Variants in DAGLA observed in about 807,000 individuals in gnomAD.
DAGLA encodes the protein diacylglycerol lipase-alpha.
Under a neutral mutation model 102.6 loss-of-function variants are expected in DAGLA, and 22 were observed. The observed-to-expected ratio is 0.21, with a 90% CI of 0.15 to 0.31. The LOEUF (loss-of-function observed/expected upper bound fraction) is 0.31, where lower values mean the gene tolerates loss of function less well. Ranked by LOEUF, DAGLA falls within the 10% of genes least tolerant of loss-of-function variation. DAGLA has a pLI of 1.00. For missense variants in DAGLA, 927 were observed against 1,446.6 expected, an observed-to-expected ratio of 0.64 and a Z score of 5.83; for synonymous variants, 578 against 628.9, an observed-to-expected ratio of 0.92 and a Z score of 1.21.
At chr11:61,737,652 C>G in intron 14 of DAGLA, 35 bp from the exon 15 acceptor site, 2 of 1,602,388 alleles carry the variant, frequency 1.2e-6, no homozygotes, top group Non-Finnish European at 1.7e-6. Flanking sequence ...ACCCCGCCCC[C>G]TTGGCCTTAG....
intron 1 of DAGLA, among the ~76,000 whole-genome samples, chr11:61,716,020 G>A (rs972522467): frequency 3.3e-5 from 5 of 152,198 alleles, no homozygotes; most frequent in Non-Finnish European, 7.3e-5. Flanking sequence ...AGGAAGGGAG[G>A]GACGTTTCCC....
intron 1 of DAGLA, among the ~76,000 whole-genome samples, chr11:61,716,390 A>G (rs1358167481): frequency 1.3e-5 from 2 of 152,120 alleles, no homozygotes; most frequent in Non-Finnish European, 2.9e-5. Flanking sequence ...CTTTTAGCTG[A>G]CCTAGAGAGA....
chr11:61,705,133 C>T (rs2065138989), intron 1 of DAGLA, among the ~76,000 whole-genome samples: 1 of 152,246 alleles, frequency 6.6e-6, no homozygotes, highest in Admixed American at 6.5e-5. Flanking sequence ...CAGCCCCAGG[C>T]CTCCGTTCTC....
intron 4 of DAGLA, 125 bp downstream of exon 4, chr11:61,723,085 G>A: frequency 1.2e-6 from 1 of 824,560 alleles, no homozygotes; most frequent in Non-Finnish European, 2.0e-6. Flanking sequence ...GCACCAGCAG[G>A]TTGGCTGGGC....
At chr11:61,707,725 G>A (rs1014135780) in intron 1 of DAGLA, among the ~76,000 whole-genome samples, 2 of 152,226 alleles carry the variant, frequency 1.3e-5, no homozygotes, top group Non-Finnish European at 2.9e-5. Context: ...AAGCAAGCGG[G>A]GCCATCTGGA....
chr11:61,739,123 A>G (rs989932447), intron 16 of DAGLA, among the ~76,000 whole-genome samples: 73 of 152,258 alleles, frequency 4.8e-4, no homozygotes, highest in African/African-American at 1.8e-3. Flanking sequence ...GGACTTGTGG[A>G]GTGATCCAGA....
At chr11:61,693,485 A>C (rs1439056573) in intron 1 of DAGLA, among the ~76,000 whole-genome samples, 3 of 150,946 alleles carry the variant, frequency 2.0e-5, no homozygotes, top group African/African-American at 7.3e-5. Context: ...AGTAGCTGGG[A>C]CTACAGGCGC....
chr11:61,690,499 G>A (rs1014272350), intron 1 of DAGLA, among the ~76,000 whole-genome samples: 3 of 152,114 alleles, frequency 2.0e-5, no homozygotes, highest in Non-Finnish European at 2.9e-5. Context: ...TATGTGTAGG[G>A]ACACATTTAA....
chr11:61,738,359 A>T, intron 16 of DAGLA, 152 bp downstream of exon 16: 2 of 623,138 alleles, frequency 3.2e-6, no homozygotes, highest in Non-Finnish European at 5.6e-6. Flanking sequence ...AGGAAGTCAG[A>T]CCCTCAGCAT....
At chr11:61,696,854 G>A (rs1311875546) in intron 1 of DAGLA, among the ~76,000 whole-genome samples, 1 of 152,222 alleles carries the variant, frequency 6.6e-6, no homozygotes, top group South Asian at 2.1e-4. Context: ...TGGAGTGTGC[G>A]GCTTGTGAGC....
intron 18 of DAGLA, 95 bp downstream of exon 18, chr11:61,740,687 A>G: frequency 6.6e-7 from 1 of 1,509,374 alleles, no homozygotes; most frequent in Non-Finnish European, 9.0e-7. Context: ...CCGATTTTAC[A>G]GACAAGGGTG....
chr11:61,733,696 GC>G (rs1462974181), intron 9 of DAGLA, among the ~76,000 whole-genome samples: 2 of 152,198 alleles, frequency 1.3e-5, no homozygotes, highest in Non-Finnish European at 2.9e-5. Context: ...TGTGTACCTG[GC>G]CCTGTTTGGG....
chr11:61,683,333 C>T (rs1009415924), intron 1 of DAGLA, among the ~76,000 whole-genome samples: 1 of 152,210 alleles, frequency 6.6e-6, no homozygotes, highest in Non-Finnish European at 1.5e-5. Context: ...AGACACTGTC[C>T]AGCATTGCAG....
At chr11:61,708,558 AT>A (rs1179261517) in intron 1 of DAGLA, among the ~76,000 whole-genome samples, 2 of 148,102 alleles carry the variant, frequency 1.4e-5, no homozygotes, top group Non-Finnish European at 3.0e-5. Flanking sequence ...TTTTTTTTGT[AT>A]TTTTTAGTAG....
At chr11:61,735,298 C>T (rs1294897083) in intron 10 of DAGLA, among the ~76,000 whole-genome samples, 1 of 152,192 alleles carries the variant, frequency 6.6e-6, no homozygotes, top group Non-Finnish European at 1.5e-5. Context: ...CAGGGAGGGG[C>T]AGCCATCACC....
chr11:61,693,599 G>A (rs749093954), intron 1 of DAGLA, among the ~76,000 whole-genome samples: 7 of 151,806 alleles, frequency 4.6e-5, no homozygotes, highest in East Asian at 1.9e-4. Context: ...CGCCTCCCTC[G>A]GCCTCCCAAA....
At chr11:61,725,968 A>G (rs2065322169) in intron 5 of DAGLA, 27 bp from the exon 6 acceptor site, 3 of 1,606,662 alleles carry the variant, frequency 1.9e-6, no homozygotes, top group Admixed American at 3.3e-5. Flanking sequence ...CTCTGACCTC[A>G]CACATACCGC....
intron 1 of DAGLA, among the ~76,000 whole-genome samples, chr11:61,680,740 C>T (rs1242169404): frequency 6.6e-6 from 1 of 151,978 alleles, no homozygotes; most frequent in Non-Finnish European, 1.5e-5. Context: ...GCACAGGCGG[C>T]GTGGTTTTCC....
chr11:61,729,018 A>T lies in DAGLA; in HGVS notation c.849+10A>T, dbSNP rs201220189. The T allele has an allele frequency of 3.0e-4, 491 of 1,612,104 alleles. 6 individuals are homozygous for T. Among genetic ancestry groups the T allele is most frequent in the Non-Finnish European group, 6.2e-5 (73 of 1,178,162 alleles). On this transcript the variant is annotated intron_variant, in intron 8 of 19. Transcript: ENST00000257215. ...CGACCTCAAGAATTCAGTGAGTCAG[A>T]CATCAACTCTCACCCCACCCCGTCC...
Sources: gnomAD v4.1 joint callset for allele counts (sites outside exome capture counted in the v4.1 genomes callset) on GRCh38, gnomAD v4.1.1 for gene constraint, MANE v1.5 for transcripts, NCBI Gene and HGNC (gene_info 2026-07-23, HGNC 2026-07-21) for gene names.